The following SCN4A variants were observed in gnomAD, a reference collection of about 807,000 sequenced individuals.
SCN4A encodes the protein sodium voltage-gated channel alpha subunit 4, also known as sodium channel protein type 4 subunit alpha.
SCN4A carries 83 observed loss-of-function variants against 162.0 expected under a neutral mutation model. The ratio of observed to expected loss-of-function variants is 0.51; its 90% CI spans 0.43 to 0.61. The LOEUF is 0.61. Among genes scored for constraint, SCN4A ranks in the 20% least tolerant of loss-of-function variants. SCN4A has a pLI of 0.00. For missense variants in SCN4A, 2,196 were observed against 2,462.5 expected (o/e 0.89, Z 2.29); for synonymous variants, 944 against 985.1 (o/e 0.96, Z 0.78).
At chr17:63,955,665 C>T (rs1909051227) in intron 13 of SCN4A, among the ~76,000 whole-genome samples, 1 of 152,190 alleles carries the variant, frequency 6.6e-6, no homozygotes, top group African/African-American at 2.4e-5. Context: ...CATCAACAAA[C>T]TCCTACTCAG....
chr17:63,949,465 G>A lies in SCN4A; in HGVS notation c.2917C>T (p.Pro973Ser), dbSNP rs1355160927. The A allele has an allele frequency of 6.2e-7, 1 of 1,611,914 alleles. No homozygotes were observed. ...GCCTGCTCCTCAGGGTCCTCCTCGG[G>A]GGGCTTGTAGTCAGCTGTGCTGCAG... ...SVCSTADYKP[P>S]EEDPEEQAEE... Residue 973 changes from proline to serine, a missense_variant, in exon 15 of 24, where the codon CCC becomes TCC. By Grantham distance (74) the Pro-to-Ser change is moderately conservative. Transcript: ENST00000435607.
chr17:63,964,447 C>T (rs1360217756), intron 9 of SCN4A, 21 bp downstream of exon 9: 1 of 1,611,290 alleles, frequency 6.2e-7, no homozygotes, highest in Admixed American at 1.7e-5. Flanking sequence ...GGTCCTCTAT[C>T]TCCTTTCCCT....
In SCN4A at chr17:63,943,061, C is replaced by T. The variant is rs376395544; in HGVS notation, c.4053G>A (p.Thr1351=). ...KIQGMVYDLV[T]KQAFDITIMI... ...TGATGGTGATGTCGAAGGCCTGCTTCGTCACGAGGTCATACACCATGCCCT... is the reference window on the plus strand; with the variant it reads ...TGATGGTGATGTCGAAGGCCTGCTTTGTCACGAGGTCATACACCATGCCCT... Residue 1351 remains threonine (T), a synonymous_variant, in exon 23 of 24, where the codon ACG becomes ACA. Transcript: ENST00000435607. The T allele has an allele frequency of 6.2e-6, 10 of 1,613,678 alleles. No individual in the cohort carries two copies. Among genetic ancestry groups the T allele is most frequent in the Middle Eastern group, 1.6e-4 (1 of 6,084 alleles).
chr17:63,972,871 G>C lies in SCN4A; in HGVS notation c.-30C>G. ...GCATCCTGGGCTCAGAGACCAGAAG[G>C]GTGGTGGGTGGCCTGGGGAGCTGCA... On this transcript the variant is annotated 5_prime_UTR_variant, in exon 1 of 24. Transcript: ENST00000435607. The surrounding 1 kb of genome is among the most constrained non-coding windows in gnomAD (Gnocchi z 4.3). The C allele has an allele frequency of 6.3e-7, 1 of 1,578,608 alleles. No homozygotes were observed. Among genetic ancestry groups the C allele is most frequent in the Non-Finnish European group, 8.6e-7 (1 of 1,162,206 alleles).
At chr17:63,969,611 G>A (rs1909556414) in intron 5 of SCN4A, among the ~76,000 whole-genome samples, 1 of 152,084 alleles carries the variant, frequency 6.6e-6, no homozygotes, top group Non-Finnish European at 1.5e-5. Flanking sequence ...CTAGAAGATA[G>A]CTCAGGTACT....
In SCN4A at chr17:63,949,386, C is replaced by T. The variant is rs558907834; in HGVS notation, c.2989+7G>A. 5 of 1,566,426 alleles carry T rather than the reference C, an allele frequency of 3.2e-6. No homozygotes were observed. In the African/African-American group the frequency reaches 4.1e-5, roughly 13 times the overall value. On this transcript the variant is annotated splice_region_variant and intron_variant, in intron 15 of 23. Transcript: ENST00000435607. ...AGACACCCAGATGAGGTGAGGGGTG[C>T]CCTCACCCTCAGTGAAGCACTCCTC...
Position 63,945,677 on chromosome 17 carries a change from CCT to C in SCN4A, c.3442-41_3442-40del. On this transcript the variant is annotated intron_variant, in intron 18 of 23. Transcript: ENST00000435607. This position sits in a 1 kb window ranked among gnomAD's most constrained non-coding sequence, Gnocchi z 4.4. The stretch of plus-strand genomic sequence containing the variant: ...GGTCCATTGCCAGTGCCTCTCCCAG[CCT>C]CTGAGAGAGGGCTCCACATCTCTAC... 6.2e-7 allele frequency: 1 copy of C among 1,607,754 alleles called. No homozygotes were observed. The highest frequency in any genetic ancestry group is 8.5e-7 in the Non-Finnish European group (1 of 1,175,244).
chr17:63,951,954 G>T lies in SCN4A; in HGVS notation c.2377-54C>A. On this transcript the variant is annotated intron_variant, in intron 13 of 23. Coordinates refer to ENST00000435607, the MANE Select transcript of SCN4A (RefSeq NM_000334.4). The surrounding 1 kb of genome is among the most constrained non-coding windows in gnomAD (Gnocchi z 4.5). The stretch of plus-strand genomic sequence containing the variant: ...CATCAGTCCCCGGGACCCAGAGGGT[G>T]CCACCTTCAGCCAGCACAGGGGTCC... 1 of 1,112,450 alleles carries T rather than the reference G, an allele frequency of 9.0e-7. No individual in the cohort carries two copies. The highest frequency in any genetic ancestry group is 1.3e-6 in the Non-Finnish European group (1 of 793,010). 68.9% of individuals were successfully genotyped at this position (1,112,450 alleles called of 1,614,324 possible). A position where few individuals can be genotyped will look rare whatever the true frequency, so the allele number is the denominator to read the frequency against.
intron 17 of SCN4A, among the ~76,000 whole-genome samples, chr17:63,947,443 C>A (rs1221597742): frequency 6.6e-6 from 1 of 152,146 alleles, no homozygotes; most frequent in Non-Finnish European, 1.5e-5. Context: ...GTGAGCCCAT[C>A]TAAGAGGCTA....
At position 63,941,540 on chromosome 17, in the gene SCN4A, T is replaced by C. The variant is rs912147252; in HGVS notation, c.4742A>G (p.Tyr1581Cys). The change falls in exon 24 of 24, where the codon TAT (tyrosine) becomes TGT (cysteine). Residue 1581 changes from tyrosine to cysteine, a missense_variant. Tyr to Cys is a radical substitution (Grantham distance 194). Coordinates refer to ENST00000435607, the MANE Select transcript of SCN4A (RefSeq NM_000334.4). This position sits in a 1 kb window ranked among gnomAD's most constrained non-coding sequence, Gnocchi z 6.2. ...PSIGICFFCS[Y>C]IIISFLIVVN... ...CACGATGAGGAAGGAGATGATGATA[T>C]AGCTGCAGAAGAAGCAGATGCCGAT... The C allele has an allele frequency of 5.0e-6, 8 of 1,613,900 alleles. No homozygotes were observed. Among genetic ancestry groups the C allele is most frequent in the Non-Finnish European group, 6.8e-6 (8 of 1,180,028 alleles).
rs1597985505 is a variant in SCN4A, at chr17:63,968,291, G to A, written c.768C>T (p.Leu256=). The A allele has an allele frequency of 1.2e-6, 2 of 1,612,410 alleles. No homozygotes were observed. The highest frequency in any genetic ancestry group is 4.5e-5 in the East Asian group (2 of 44,832). The change falls in exon 6 of 24, where the codon CTC becomes CTT. Residue 256 remains leucine, a synonymous_variant. Transcript: ENST00000435607. Reference sequence around the variant, plus strand: ...CAAAGACGCTCAGGCAGAAGACAGTGAGGATCATCACATCCGACAGCTTTT... The same window carrying A: ...CAAAGACGCTCAGGCAGAAGACAGTAAGGATCATCACATCCGACAGCTTTT... ...SVKKLSDVMI[L]TVFCLSVFAL...
Position 63,945,582 on chromosome 17 carries a change from G to C in SCN4A, c.3498C>G (p.Val1166=), listed in dbSNP as rs1489280463. The part of the protein sequence containing the change: ...AIPSIMNVLL[V]CLIFWLIFSI... ...TGAAGATCAGCCAGAAGATGAGGCA[G>C]ACAAGCAGCACATTCATGATGGAGG... The change falls in exon 19 of 24, where the codon GTC becomes GTG. Residue 1166 remains valine, a synonymous_variant. Transcript: ENST00000435607. This position sits in a 1 kb window ranked among gnomAD's most constrained non-coding sequence, Gnocchi z 4.4. 6.2e-7 allele frequency: 1 copy of C among 1,614,078 alleles called. No homozygotes were observed. The highest frequency in any genetic ancestry group is 8.5e-7 in the Non-Finnish European group (1 of 1,179,936).
At position 63,964,576 on chromosome 17, in the gene SCN4A, C is replaced by T. The variant is rs746055152; in HGVS notation, c.1344G>A (p.Met448Ile). Residue 448 changes from methionine to isoleucine, a missense_variant, in exon 9 of 24, where the codon ATG becomes ATA. Met to Ile is a conservative substitution (Grantham distance 10). Transcript: ENST00000435607. ...LINLILAVVA[M>I]AYAEQNEATL... is the part of the protein sequence containing the mutation. Reference sequence around the variant, plus strand: ...TGGCCTCATTCTGCTCGGCATATGCCATGGCCACCACGGCCAGGATCAGAT... The same window carrying T: ...TGGCCTCATTCTGCTCGGCATATGCTATGGCCACCACGGCCAGGATCAGAT... The T allele has an allele frequency of 4.3e-6, 7 of 1,613,872 alleles. No individual in the cohort carries two copies. In the South Asian group the frequency reaches 4.4e-5, roughly 10 times the overall value.
At chr17:63,954,851 G>A (rs1316877277) in intron 13 of SCN4A, among the ~76,000 whole-genome samples, 2 of 152,168 alleles carry the variant, frequency 1.3e-5, no homozygotes, top group Non-Finnish European at 2.9e-5. Context: ...GGGGTGACAG[G>A]CACACAGAAG....
In SCN4A at chr17:63,942,258, G is replaced by GGTGTGTGTGTGT. The variant is rs58036769; in HGVS notation, c.4289-277_4289-266dup. ...CCCAAGGCTGTTTGCAAATGCCACTGGTGTGTGTGTGTGTGTGTGTGTGTG... is the reference window on the plus strand; with the variant it reads ...CCCAAGGCTGTTTGCAAATGCCACTGGTGTGTGTGTGTGTGTGTGTGTGTGTGTGTGTGTGTG... On this transcript the variant is annotated intron_variant, in intron 23 of 23. Coordinates refer to ENST00000435607, the MANE Select transcript of SCN4A (RefSeq NM_000334.4). Among the ~76,000 whole-genome samples the GGTGTGTGTGTGT allele has an allele frequency of 3.4e-3, 478 of 138,644 alleles. 2 individuals carry two copies. The highest frequency in any genetic ancestry group is 7.0e-3 in the Middle Eastern group (2 of 286). The allele number at this position is 138,644 out of a possible 152,430, so 91.0% of individuals were successfully genotyped here. A position where few individuals can be genotyped will look rare whatever the true frequency, so the allele number is the denominator to read the frequency against.
rs775094551 is a variant in SCN4A at position 63,945,621 on chromosome 17, G to C, written c.3459C>G (p.Leu1153=). 2 of 1,613,950 alleles carry C rather than the reference G, an allele frequency of 1.2e-6. No homozygotes were observed. Among genetic ancestry groups the C allele is most frequent in the Non-Finnish European group, 1.7e-6 (2 of 1,179,882 alleles). ...FEGMRVVVNA[L]LGAIPSIMNV... The stretch of plus-strand genomic sequence containing the variant: ...TCATGATGGAGGGGATGGCGCCTAG[G>C]AGGGCGTTCACCACCACCTGGGGGC... The change falls in exon 19 of 24, where the codon CTC becomes CTG. Residue 1153 remains leucine (L), a synonymous_variant. Coordinates refer to ENST00000435607, the MANE Select transcript of SCN4A (RefSeq NM_000334.4). The surrounding 1 kb of genome is among the most constrained non-coding windows in gnomAD (Gnocchi z 4.4).
At chr17:63,955,348 A>C (rs1597976085) in intron 13 of SCN4A, among the ~76,000 whole-genome samples, 1 of 152,170 alleles carries the variant, frequency 6.6e-6, no homozygotes, top group Non-Finnish European at 1.5e-5. Flanking sequence ...TGGTGGCGGG[A>C]ACCTAAACCA....
intron 15 of SCN4A, 70 bp from the exon 16 acceptor site, chr17:63,948,835 C>T (rs956674545): frequency 4.3e-6 from 6 of 1,408,062 alleles, no homozygotes; most frequent in African/African-American, 1.4e-5. Context: ...GGTGCACAGT[C>T]AGCGCCCTCC....
In SCN4A at chr17:63,941,068, G is replaced by A. The variant is rs760885982; in HGVS notation, c.5214C>T (p.Tyr1738=). ...TGGAGCGCTGTAGCAGGTGCCGGCGGTAGGCCCTCTGGATCTTGATGGCGC... is the reference window on the plus strand; with the variant it reads ...TGGAGCGCTGTAGCAGGTGCCGGCGATAGGCCCTCTGGATCTTGATGGCGC... ...EVCAIKIQRA[Y]RRHLLQRSMK... is the part of the protein sequence containing the mutation. The change falls in exon 24 of 24, where the codon TAC becomes TAT. Residue 1738 remains tyrosine, a synonymous_variant. Transcript: ENST00000435607. This position sits in a 1 kb window ranked among gnomAD's most constrained non-coding sequence, Gnocchi z 6.2. The A allele has an allele frequency of 1.2e-5, 19 of 1,614,004 alleles. No individual in the cohort carries two copies. Among genetic ancestry groups the A allele is most frequent in the Non-Finnish European group, 1.5e-5 (18 of 1,179,886 alleles).
Sources: allele counts gnomAD v4.1 joint callset (sites outside exome capture counted in the v4.1 genomes callset), GRCh38; gene constraint gnomAD v4.1.1; non-coding constraint Gnocchi (gnomAD v3.1); transcripts MANE v1.5; gene names NCBI Gene and HGNC (gene_info 2026-07-23, HGNC 2026-07-21).